SLC44A5: variants seen among roughly 807,000 people sequenced by gnomAD.
The protein encoded by SLC44A5 is choline transporter-like protein 5.
In SLC44A5, 57 loss-of-function variants were observed where a neutral mutation model predicts 101.8. The ratio of observed to expected loss-of-function variants is 0.56; its 90% CI spans 0.45 to 0.70. SLC44A5 has a LOEUF of 0.70. Among genes scored for constraint, SLC44A5 ranks in the 30% least tolerant of loss-of-function variants. SLC44A5 has a pLI of 0.00. For synonymous variants in SLC44A5, 281 were observed against 290.9 expected (o/e 0.97, Z 0.35); for missense variants, 737 against 853.1 (o/e 0.86, Z 1.70).
the SLC44A5 span, among the ~76,000 whole-genome samples, chr1:75,721,151 A>T: frequency 6.6e-6 from 1 of 152,222 alleles, no homozygotes; most frequent in Non-Finnish European, 1.5e-5. Flanking sequence ...AGGCATGTCC[A>T]ACCCCCACTT....
intron 3 of SLC44A5, among the ~76,000 whole-genome samples, chr1:75,366,417 G>A (rs1266089748): frequency 6.6e-6 from 1 of 152,092 alleles, no homozygotes; most frequent in Non-Finnish European, 1.5e-5. Flanking sequence ...TCTTGTGTGT[G>A]ATGAGTCATT....
chr1:75,562,601 T>C (rs1335617936), intron 1 of SLC44A5, among the ~76,000 whole-genome samples: 1 of 152,024 alleles, frequency 6.6e-6, no homozygotes, highest in Admixed American at 6.6e-5. Context: ...GGGGGGAGGA[T>C]TGCTTAAGCC....
chr1:75,537,064 T>C (rs558173018), intron 2 of SLC44A5, among the ~76,000 whole-genome samples: 5 of 140,858 alleles, frequency 3.5e-5, no homozygotes, highest in African/African-American at 5.2e-5. Flanking sequence ...ATTCTGAATA[T>C]GTATATAGCT....
chr1:75,252,535 C>T (rs2100652199), intron 6 of SLC44A5, among the ~76,000 whole-genome samples: 1 of 152,254 alleles, frequency 6.6e-6, no homozygotes, highest in South Asian at 2.1e-4. Context: ...TAGAACTCTC[C>T]CTACAATCCT....
intron 13 of SLC44A5, among the ~76,000 whole-genome samples, chr1:75,224,171 G>A (rs1647147662): frequency 6.6e-6 from 1 of 152,260 alleles, no homozygotes; most frequent in Non-Finnish European, 1.5e-5. Context: ...CAGTGGCATG[G>A]TAGTGCAATG....
chr1:75,536,465 G>A (rs1570555226), intron 2 of SLC44A5, among the ~76,000 whole-genome samples: 1 of 151,448 alleles, frequency 6.6e-6, no homozygotes, highest in Admixed American at 6.6e-5. Flanking sequence ...GCTGGGCATG[G>A]TGGCGGGCGC....
chr1:75,490,367 T>G (rs1235408055), intron 2 of SLC44A5, among the ~76,000 whole-genome samples: 1 of 152,196 alleles, frequency 6.6e-6, no homozygotes, highest in Admixed American at 6.6e-5. Context: ...AGGATATCTT[T>G]GTGAATTAAG....
chr1:75,560,408 T>TG (rs1672455120), intron 1 of SLC44A5, among the ~76,000 whole-genome samples: 1 of 151,982 alleles, frequency 6.6e-6, no homozygotes, highest in African/African-American at 2.4e-5. Flanking sequence ...AGTAGATAAG[T>TG]GGTTGTCTAG....
At chr1:75,600,960 A>C (rs1674944122) in intron 1 of SLC44A5, among the ~76,000 whole-genome samples, 1 of 152,194 alleles carries the variant, frequency 6.6e-6, no homozygotes, top group South Asian at 2.1e-4. Flanking sequence ...AGAGACAGTG[A>C]GAAGAAAGAG....
At chr1:75,294,709 A>G (rs2100837568) in intron 5 of SLC44A5, among the ~76,000 whole-genome samples, 1 of 152,308 alleles carries the variant, frequency 6.6e-6, no homozygotes, top group South Asian at 2.1e-4. Context: ...AAAAAAGAAG[A>G]AAATCCTGCC....
At chr1:75,720,974 T>A in the SLC44A5 span, among the ~76,000 whole-genome samples, 3 of 152,100 alleles carry the variant, frequency 2.0e-5, no homozygotes, top group African/African-American at 7.2e-5. Flanking sequence ...AATGTCTGGG[T>A]TAAGATTAAA....
intron 2 of SLC44A5, among the ~76,000 whole-genome samples, chr1:75,475,934 C>T (rs1352386131): frequency 6.6e-6 from 1 of 152,182 alleles, no homozygotes. Flanking sequence ...CCTGTAATCC[C>T]AGCACTTCGG....
At chr1:75,576,451 C>T (rs553147777) in intron 1 of SLC44A5, among the ~76,000 whole-genome samples, 25 of 151,694 alleles carry the variant, frequency 1.6e-4, no homozygotes, top group African/African-American at 6.0e-4. Flanking sequence ...GTAGCTGGGA[C>T]TACAGGCGCC....
At chr1:75,248,575 T>A (rs1649311782) in intron 7 of SLC44A5, among the ~76,000 whole-genome samples, 1 of 152,074 alleles carries the variant, frequency 6.6e-6, no homozygotes, top group Admixed American at 6.6e-5. Flanking sequence ...GGAAGCAAAG[T>A]TAGAAGCTGG....
intron 2 of SLC44A5, among the ~76,000 whole-genome samples, chr1:75,484,385 C>A (rs1043543654): frequency 4.6e-5 from 7 of 152,228 alleles, no homozygotes; most frequent in African/African-American, 1.7e-4. Context: ...CCCAGTGGGG[C>A]AGTCATTAAA....
At chr1:75,480,427 A>C (rs1182235031) in intron 2 of SLC44A5, among the ~76,000 whole-genome samples, 1 of 152,210 alleles carries the variant, frequency 6.6e-6, no homozygotes, top group Admixed American at 6.5e-5. Context: ...AGAAGGAAAT[A>C]AAGGGTATTC....
intron 3 of SLC44A5, among the ~76,000 whole-genome samples, chr1:75,391,208 A>G (rs1363898183): frequency 1.3e-5 from 2 of 152,154 alleles, no homozygotes; most frequent in Non-Finnish European, 2.9e-5. Flanking sequence ...ACACAATCAA[A>G]TGAAAAAATG....
At chr1:75,352,228 T>C (rs80028950) in intron 3 of SLC44A5, among the ~76,000 whole-genome samples, 1,553 of 152,224 alleles carry the variant, frequency 0.01, 12 homozygotes, top group Middle Eastern at 0.02. Flanking sequence ...TTTCAAGGTA[T>C]ATGTGCAGGA....
intron 2 of SLC44A5, among the ~76,000 whole-genome samples, chr1:75,425,774 C>CA: frequency 6.6e-6 from 1 of 152,150 alleles, no homozygotes; most frequent in East Asian, 1.9e-4. Flanking sequence ...CCGCAGAACT[C>CA]ACGGTTCTAC....
Sources: allele counts gnomAD v4.1 joint callset (sites outside exome capture counted in the v4.1 genomes callset), GRCh38; gene constraint gnomAD v4.1.1; transcripts MANE v1.5; gene names NCBI Gene and HGNC (gene_info 2026-07-23, HGNC 2026-07-21).